NANOGNB: variants seen among roughly 807,000 people sequenced by gnomAD.
NANOGNB encodes the protein NANOG neighbor homeobox.
Under a neutral mutation model 25.0 loss-of-function variants are expected in NANOGNB, and 30 were observed. The observed-to-expected ratio is 1.20, with a 90% CI of 0.90 to 1.63. The LOEUF (loss-of-function observed/expected upper bound fraction) is 1.63, where lower values mean the gene tolerates loss of function less well. Ranked by LOEUF, NANOGNB falls within the 40% of genes most tolerant of loss-of-function variation. The pLI, the probability that NANOGNB is intolerant of heterozygous loss-of-function variation, is 0.00. For synonymous variants in NANOGNB, 84 were observed against 62.1 expected, an observed-to-expected ratio of 1.35 and a Z score of -1.66; for missense variants, 200 against 188.1, an observed-to-expected ratio of 1.06 and a Z score of -0.37.
chr12:7,765,217 T>G lies in NANOGNB; in HGVS notation c.-69T>G. 22 of 1,278,304 alleles carry G rather than the reference T, an allele frequency of 1.7e-5. No homozygotes were observed. The highest frequency in any genetic ancestry group is 2.2e-5 in the Non-Finnish European group (22 of 982,072). 79.2% of individuals were successfully genotyped at this position (1,278,304 alleles called of 1,614,324 possible). On this transcript the variant is annotated 5_prime_UTR_variant, in exon 1 of 4. Coordinates refer to ENST00000382119, the MANE Select transcript of NANOGNB (RefSeq NM_001145465.1). ...ACTGACATCCAAAAGATGGATGACATCTACCTTATCTGGTCGGTCATCTCT... is the reference window on the plus strand; with the variant it reads ...ACTGACATCCAAAAGATGGATGACAGCTACCTTATCTGGTCGGTCATCTCT...
chr12:7,773,915 C>T lies in NANOGNB; in HGVS notation c.*64C>T. 2 of 581,580 alleles carry T rather than the reference C, an allele frequency of 3.4e-6. No homozygotes were observed. The highest frequency in any genetic ancestry group is 6.0e-6 in the Non-Finnish European group (2 of 334,020). The allele number at this position is 581,580 out of a possible 1,614,324, so 36.0% of individuals were successfully genotyped here. ...GCATGAGCCATCGCACTGGCTAAGA[C>T]ATTTTACATGACACCATTCTCACCA... On this transcript the variant is annotated 3_prime_UTR_variant, in exon 4 of 4. Transcript: ENST00000382119.
At position 7,772,988 on chromosome 12, in the gene NANOGNB, A is replaced by G. The variant is rs140698157; in HGVS notation, c.516-812A>G. ...CATGAGACTGCATTTCCCAGCAATC[A>G]TTACTCTAAATTATAAATGAGGAAG... On this transcript the variant is annotated intron_variant, in intron 3 of 3. Transcript: ENST00000382119. 3.8e-3 allele frequency among the ~76,000 whole-genome samples: 586 copies of G among 152,212 alleles called. 5 individuals carry two copies. Among genetic ancestry groups the G allele is most frequent in the African/African-American group, 0.013 (560 of 41,534 alleles).
At position 7,765,398 on chromosome 12, in the gene NANOGNB, G is replaced by A. The variant is rs532737926; in HGVS notation, c.102+11G>A. ...ATCTTGGCTAACAAGGTAAAACCCC[G>A]TTTCTACTAAAAATACAAAAAATTA... On this transcript the variant is annotated intron_variant, in intron 1 of 3. Coordinates refer to ENST00000382119, the MANE Select transcript of NANOGNB (RefSeq NM_001145465.1). 3 of 409,574 alleles carry A rather than the reference G, an allele frequency of 7.3e-6. No individual in the cohort carries two copies. The highest frequency in any genetic ancestry group is 8.9e-6 in the Non-Finnish European group (2 of 225,456). 25.4% of individuals were successfully genotyped at this position (409,574 alleles called of 1,614,324 possible).
intron 1 of NANOGNB, among the ~76,000 whole-genome samples, chr12:7,766,446 C>T (rs1865245611): frequency 6.6e-6 from 1 of 152,208 alleles, no homozygotes; most frequent in Non-Finnish European, 1.5e-5. Context: ...GCACTCCAGT[C>T]TGGGCTTCAG....
In NANOGNB at chr12:7,774,034, ATG is replaced by A. The variant is rs906254332; in HGVS notation, c.*187_*188del. The A allele has an allele frequency of 1.2e-5, 5 of 403,730 alleles. No homozygotes were observed. Among genetic ancestry groups the A allele is most frequent in the Non-Finnish European group, 1.7e-5 (4 of 229,996 alleles). 25.0% of individuals were successfully genotyped at this position (403,730 alleles called of 1,614,324 possible). A position where few individuals can be genotyped will look rare whatever the true frequency, so the allele number is the denominator to read the frequency against. ...ATGAGGGGTATGCAAAGGAGTTTTT[ATG>A]TGTTTTATTTTTACCCTACTGTAGA... On this transcript the variant is annotated 3_prime_UTR_variant, in exon 4 of 4. Coordinates refer to ENST00000382119, the MANE Select transcript of NANOGNB (RefSeq NM_001145465.1).
chr12:7,769,279 C>T (rs1268929442), intron 1 of NANOGNB, among the ~76,000 whole-genome samples: 1 of 152,086 alleles, frequency 6.6e-6, no homozygotes, highest in Non-Finnish European at 1.5e-5. Flanking sequence ...CCTGCCTCAG[C>T]CTCCCAAGTA....
At chr12:7,765,621 A>G (rs1040112217) in intron 1 of NANOGNB, among the ~76,000 whole-genome samples, 4 of 151,556 alleles carry the variant, frequency 2.6e-5, no homozygotes, top group African/African-American at 9.7e-5. Flanking sequence ...TATTTTAAAG[A>G]AAGAAAAGCA....
intron 1 of NANOGNB, among the ~76,000 whole-genome samples, chr12:7,767,108 T>C (rs1865252881): frequency 6.6e-6 from 1 of 152,188 alleles, no homozygotes; most frequent in African/African-American, 2.4e-5. Context: ...CCCAAAATGC[T>C]GGGATTACAG....
chr12:7,772,215 T>C (rs1862574703), intron 3 of NANOGNB, among the ~76,000 whole-genome samples: 1 of 152,162 alleles, frequency 6.6e-6, no homozygotes, highest in Non-Finnish European at 1.5e-5. Flanking sequence ...CGTACCCCTC[T>C]GGCACATTGG....
At chr12:7,766,346 G>A (rs888486426) in intron 1 of NANOGNB, among the ~76,000 whole-genome samples, 3 of 152,050 alleles carry the variant, frequency 2.0e-5, no homozygotes, top group Non-Finnish European at 4.4e-5. Context: ...GGTGAGGCAC[G>A]CCTGTAGTCC....
intron 1 of NANOGNB, among the ~76,000 whole-genome samples, chr12:7,768,410 G>T (rs1007583898): frequency 6.6e-6 from 1 of 152,042 alleles, no homozygotes; most frequent in Non-Finnish European, 1.5e-5. Flanking sequence ...GGTGATATCT[G>T]TCTGGTTTGA....
At chr12:7,765,968 G>A in intron 1 of NANOGNB, 1 of 394,392 alleles carries the variant, frequency 2.5e-6, no homozygotes, top group East Asian at 3.6e-5. Flanking sequence ...GAGATAAGAG[G>A]TGAAGGGATT....
intron 3 of NANOGNB, among the ~76,000 whole-genome samples, chr12:7,771,594 G>A (rs1005972008): frequency 6.6e-6 from 1 of 151,862 alleles, no homozygotes; most frequent in African/African-American, 2.4e-5. Flanking sequence ...ATTTAGAAAT[G>A]TTTAAATATT....
chr12:7,772,345 T>C (rs1001822098), intron 3 of NANOGNB, among the ~76,000 whole-genome samples: 2 of 151,996 alleles, frequency 1.3e-5, no homozygotes, highest in Non-Finnish European at 2.9e-5. Flanking sequence ...TGGCACAATC[T>C]CGGCTCACTG....
Position 7,766,467 on chromosome 12 carries a change from C to T in NANOGNB, c.102+1080C>T, listed in dbSNP as rs768657147. Among the ~76,000 whole-genome samples the T allele has an allele frequency of 1.9e-4, 29 of 152,230 alleles. No homozygotes were observed. In the East Asian group the frequency reaches 5.0e-3, roughly 26 times the overall value. Reference sequence around the variant, plus strand: ...CAGTCTGGGCTTCAGAGTGAGACTCCGTCTCAACAAAACAAAACAGCAAAC... The same window carrying T: ...CAGTCTGGGCTTCAGAGTGAGACTCTGTCTCAACAAAACAAAACAGCAAAC... On this transcript the variant is annotated intron_variant, in intron 1 of 3. Coordinates refer to ENST00000382119, the MANE Select transcript of NANOGNB (RefSeq NM_001145465.1).
At chr12:7,771,605 A>G (rs1395933412) in intron 3 of NANOGNB, among the ~76,000 whole-genome samples, 1 of 151,874 alleles carries the variant, frequency 6.6e-6, no homozygotes, top group Non-Finnish European at 1.5e-5. Flanking sequence ...TTTAAATATT[A>G]TCTCACTTGA....
chr12:7,770,985 A>G (rs1865287357), intron 3 of NANOGNB, among the ~76,000 whole-genome samples: 1 of 152,176 alleles, frequency 6.6e-6, no homozygotes, highest in African/African-American at 2.4e-5. Flanking sequence ...TACTCAAAAC[A>G]CCACACAGGC....
chr12:7,773,823 G>C lies in NANOGNB; in HGVS notation c.539G>C (p.Gly180Ala). ...AGATGGAGATCTCTGTGTTGCCAAG[G>C]CTGGTCTCGAACTCCTGCCCTCAAG... The part of the protein sequence containing the change: ...HMRWRSLCCQ[G>A]WSRTPALK The change falls in exon 4 of 4, where the codon GGC (glycine) becomes GCC (alanine). Residue 180 changes from glycine (G) to alanine (A), a missense_variant. Transcript: ENST00000382119. 1 of 639,168 alleles carries C rather than the reference G, an allele frequency of 1.6e-6. No individual in the cohort carries two copies. The highest frequency in any genetic ancestry group is 2.8e-6 in the Non-Finnish European group (1 of 362,402). The allele number at this position is 639,168 out of a possible 1,614,324, so 39.6% of individuals were successfully genotyped here. A position where few individuals can be genotyped will look rare whatever the true frequency, so the allele number is the denominator to read the frequency against.
intron 2 of NANOGNB, 50 bp downstream of exon 2, chr12:7,770,365 T>C: frequency 6.6e-7 from 1 of 1,521,994 alleles, no homozygotes; most frequent in African/African-American, 1.4e-5. Context: ...AAGTCACTTG[T>C]ATAGTACTAT....
Sources: allele counts gnomAD v4.1 joint callset (sites outside exome capture counted in the v4.1 genomes callset), GRCh38; gene constraint gnomAD v4.1.1; transcripts MANE v1.5; gene names NCBI Gene and HGNC (gene_info 2026-07-23, HGNC 2026-07-21).